Variants in XRN2 observed in about 807,000 individuals in gnomAD.
XRN2 encodes the protein 5'-3' exoribonuclease 2.
A neutral mutation model predicts 138.5 loss-of-function variants in XRN2; 44 were observed. That is an observed-to-expected ratio of 0.32 (90% CI 0.25 to 0.41). XRN2 has a LOEUF of 0.41. Among genes scored for constraint, XRN2 ranks in the 10% least tolerant of loss-of-function variants. The pLI is 1.00. For missense variants in XRN2, 937 were observed against 1,169.3 expected (o/e 0.80, Z 2.90); for synonymous variants, 354 against 369.4 (o/e 0.96, Z 0.48).
At chr20:21,385,586 T>A (rs2038929006) in intron 28 of XRN2, among the ~76,000 whole-genome samples, 1 of 152,220 alleles carries the variant, frequency 6.6e-6, no homozygotes. Flanking sequence ...AAAGAAAAAC[T>A]TTAGCCTTTC....
intron 16 of XRN2, 75 bp downstream of exon 16, chr20:21,344,283 T>G (rs2038408589): frequency 8.8e-7 from 1 of 1,141,068 alleles, no homozygotes; most frequent in Admixed American, 1.7e-5. Context: ...CTATTTAGCT[T>G]AGAGCAGCAG....
intron 16 of XRN2, among the ~76,000 whole-genome samples, chr20:21,344,597 A>G (rs1013581295): frequency 6.6e-6 from 1 of 152,222 alleles, no homozygotes; most frequent in Admixed American, 6.5e-5. Flanking sequence ...GACACTTAAT[A>G]TAGTTTGCCT....
At chr20:21,332,219 G>A (rs1300334577) in intron 8 of XRN2, 64 bp from the exon 9 acceptor site, 15 of 1,553,958 alleles carry the variant, frequency 9.7e-6, no homozygotes, top group Non-Finnish European at 1.3e-5. Context: ...TCTCATAGTA[G>A]TTTATGGTAA....
At chr20:21,345,994 T>C (rs928339127) in intron 16 of XRN2, among the ~76,000 whole-genome samples, 1 of 152,240 alleles carries the variant, frequency 6.6e-6, no homozygotes, top group African/African-American at 2.4e-5. Context: ...TTTAGTTGAC[T>C]TTCTTTGTAT....
intron 13 of XRN2, among the ~76,000 whole-genome samples, chr20:21,338,361 T>C (rs1368156007): frequency 1.3e-5 from 2 of 152,138 alleles, no homozygotes. Flanking sequence ...GGCTACAATT[T>C]GGAAATGAGT....
Position 21,357,802 on chromosome 20 carries a change from C to T in XRN2, c.2255+10C>T. 6.3e-7 allele frequency: 1 copy of T among 1,597,538 alleles called. No individual in the cohort carries two copies. The highest frequency in any genetic ancestry group is 8.5e-7 in the Non-Finnish European group (1 of 1,172,584). On this transcript the variant is annotated intron_variant, in intron 24 of 29. Transcript: ENST00000377191. ...AGAACACTGTAGTCAGGTAAGTTTT[C>T]CAAAATTCATGGCATTCACCCAGAA...
At chr20:21,354,764 G>A in intron 20 of XRN2, 25 bp from the exon 21 acceptor site, 3 of 1,610,320 alleles carry the variant, frequency 1.9e-6, no homozygotes, top group Non-Finnish European at 2.5e-6. Context: ...TAGCAGGGGT[G>A]GTTCATTTGC....
At chr20:21,362,759 CCATG>C (rs2122297918) in intron 24 of XRN2, among the ~76,000 whole-genome samples, 1 of 152,292 alleles carries the variant, frequency 6.6e-6, no homozygotes, top group South Asian at 2.1e-4. Context: ...AACTGGAGTT[CCATG>C]GGAGAATTCT....
chr20:21,345,647 A>C (rs755092004), intron 16 of XRN2, among the ~76,000 whole-genome samples: 2 of 152,316 alleles, frequency 1.3e-5, no homozygotes, highest in African/African-American at 4.8e-5. Context: ...AAAATAATAC[A>C]TTGGATGAAA....
Position 21,344,113 on chromosome 20 carries a change from G to A in XRN2, c.1434G>A (p.Thr478=), listed in dbSNP as rs890152607. 9 of 1,612,520 alleles carry A rather than the reference G, an allele frequency of 5.6e-6. No individual in the cohort carries two copies. The highest frequency in any genetic ancestry group is 1.1e-5 in the South Asian group (1 of 90,954). The change falls in exon 16 of 30, where the codon ACG becomes ACA. Residue 478 remains threonine, a synonymous_variant. Coordinates refer to ENST00000377191, the MANE Select transcript of XRN2 (RefSeq NM_012255.5). The part of the protein sequence containing the change: ...NNSSPSISPN[T]SFTSDGSPSP... ...AGAGTCCTTCGATATCTCCTAATAC[G>A]AGTTTCACATCTGATGGCTCCCCGT...
chr20:21,375,010 CTTTTTTTTTTTT>C (rs34212552), intron 27 of XRN2, among the ~76,000 whole-genome samples: 6,218 of 45,684 alleles, frequency 0.14, 291 homozygotes, highest in East Asian at 0.28. Context: ...TTGGTAAGTT[CTTTTTTTTTTTT>C]TTTTTTTTTT....
chr20:21,334,933 AGAG>A (rs150179700), intron 13 of XRN2, among the ~76,000 whole-genome samples: 4,960 of 152,258 alleles, frequency 0.033, 260 homozygotes, highest in African/African-American at 0.11. Flanking sequence ...AGTCTTTTGA[AGAG>A]ATTTGAGAAC....
intron 28 of XRN2, among the ~76,000 whole-genome samples, chr20:21,382,748 C>A (rs1481608430): frequency 6.6e-6 from 1 of 152,186 alleles, no homozygotes; most frequent in African/African-American, 2.4e-5. Context: ...AAGTTGTGTG[C>A]TCCTAAGTCC....
Position 21,303,451 on chromosome 20 carries a change from T to C in XRN2, c.53T>C (p.Ile18Thr), listed in dbSNP as rs2037766403. Residue 18 changes from isoleucine (I) to threonine (T), a missense_variant, in exon 1 of 30, where the codon ATA becomes ACA. Ile to Thr is a moderately conservative substitution (Grantham distance 89). This residue lies in a region of XRN2 where 32 missense variants were observed against 32.9 expected (regional missense o/e 0.97). Transcript: ENST00000377191. ...RWLSRKYPSIIVNCVEEKPKE... is the reference protein window; with the variant it reads ...RWLSRKYPSITVNCVEEKPKE... ...CTCAGCCGCAAGTACCCGTCCATCATAGTCAACTGCGTGGAAGAGAAGGTG... is the reference window on the plus strand; with the variant it reads ...CTCAGCCGCAAGTACCCGTCCATCACAGTCAACTGCGTGGAAGAGAAGGTG... 6.5e-7 allele frequency: 1 copy of C among 1,547,260 alleles called. No individual in the cohort carries two copies.
chr20:21,334,223 G>T, intron 13 of XRN2, 38 bp downstream of exon 13: 3 of 1,513,678 alleles, frequency 2.0e-6, no homozygotes, highest in Non-Finnish European at 2.7e-6. Flanking sequence ...AATTGCTCCT[G>T]TCTCTAATAG....
chr20:21,303,836 A>AATG, intron 1 of XRN2: 1 of 1,033,872 alleles, frequency 9.7e-7, no homozygotes, highest in South Asian at 4.2e-5. Flanking sequence ...GTTGTTGAGC[A>AATG]ATGCATGCCA....
chr20:21,380,538 G>A (rs992015595), intron 27 of XRN2, among the ~76,000 whole-genome samples: 3 of 152,212 alleles, frequency 2.0e-5, no homozygotes, highest in Non-Finnish European at 4.4e-5. Flanking sequence ...TGGGCGTAGG[G>A]TGGGGAACTG....
At chr20:21,327,128 C>G (rs554013873) in intron 3 of XRN2, among the ~76,000 whole-genome samples, 5 of 152,192 alleles carry the variant, frequency 3.3e-5, no homozygotes, top group Admixed American at 2.0e-4. Context: ...TGCCTTTGAC[C>G]ACACTGACAT....
intron 14 of XRN2, among the ~76,000 whole-genome samples, chr20:21,339,409 CTT>C (rs749560347): frequency 1.4e-4 from 22 of 152,150 alleles, no homozygotes; most frequent in Non-Finnish European, 2.9e-4. Flanking sequence ...TTACTGTACT[CTT>C]ATTTCTACCT....
Sources: allele counts gnomAD v4.1 joint callset (sites outside exome capture counted in the v4.1 genomes callset), GRCh38; gene constraint gnomAD v4.1.1; regional missense constraint gnomAD v4.1.1; transcripts MANE v1.5; gene names NCBI Gene and HGNC (gene_info 2026-07-23, HGNC 2026-07-21).